NPAS3: variants seen among roughly 807,000 people sequenced by gnomAD.
The protein encoded by NPAS3 is neuronal PAS domain protein 3.
A neutral mutation model predicts 73.1 loss-of-function variants in NPAS3; 14 were observed. The observed-to-expected ratio is 0.19, with a 90% confidence interval of 0.13 to 0.30. NPAS3 has a LOEUF of 0.30. NPAS3 is among the 10% of genes least tolerant of loss of function. NPAS3 has a pLI of 1.00. For missense variants in NPAS3, 1,096 were observed against 1,250.0 expected (o/e 0.88, Z 1.86); for synonymous variants, 620 against 541.5 (o/e 1.14, Z -2.01).
intron 4 of NPAS3, among the ~76,000 whole-genome samples, chr14:33,426,694 T>C (rs1229547365): frequency 6.6e-6 from 1 of 152,036 alleles, no homozygotes; most frequent in African/African-American, 2.4e-5. Flanking sequence ...GGTTAGTCTA[T>C]GAGCCCAAAG....
intron 4 of NPAS3, among the ~76,000 whole-genome samples, chr14:33,478,257 C>T (rs191164083): frequency 3.5e-4 from 54 of 152,210 alleles, no homozygotes; most frequent in African/African-American, 1.2e-3. Context: ...TACTTCATGC[C>T]AAATGTGCTC....
chr14:33,614,322 C>A (rs200081384), intron 5 of NPAS3, among the ~76,000 whole-genome samples: 1 of 152,164 alleles, frequency 6.6e-6, no homozygotes, highest in African/African-American at 2.4e-5. Flanking sequence ...ACAGGCATGA[C>A]AAAGCTACCC....
intron 2 of NPAS3, among the ~76,000 whole-genome samples, chr14:33,143,638 G>C (rs1199083686): frequency 6.6e-6 from 1 of 152,084 alleles, no homozygotes; most frequent in Non-Finnish European, 1.5e-5. Flanking sequence ...TCACAATGTT[G>C]TACAAATAGC....
chr14:33,183,770 G>A (rs1233095535), intron 2 of NPAS3, among the ~76,000 whole-genome samples: 3 of 152,116 alleles, frequency 2.0e-5, no homozygotes, highest in Non-Finnish European at 2.9e-5. Context: ...GGCCAAATCT[G>A]TTGGACGACT....
rs202203234 is a variant in NPAS3, at chr14:33,250,322, CA to C, written c.385+34905del. On this transcript the variant is annotated intron_variant, in intron 3 of 11. Coordinates refer to ENST00000356141, the Ensembl canonical transcript of NPAS3. ...GTCTTCAAGATTGAGCCTACACATACAAAAAAAAAGAAGGAAAAAGAGGATT... is the reference window on the plus strand; with the variant it reads ...GTCTTCAAGATTGAGCCTACACATACAAAAAAAAGAAGGAAAAAGAGGATT... 5.1e-4 allele frequency among the ~76,000 whole-genome samples: 76 copies of C among 149,104 alleles called. 1 individual carries two copies. The South Asian group carries it at 9.8e-3, about 19-fold the overall frequency.
At chr14:33,321,018 A>G (rs1467524543) in intron 3 of NPAS3, among the ~76,000 whole-genome samples, 3 of 152,126 alleles carry the variant, frequency 2.0e-5, no homozygotes, top group Non-Finnish European at 4.4e-5. Flanking sequence ...TCTCAGAATG[A>G]TGCAAAGCAC....
chr14:33,457,970 C>T (rs769053912), intron 4 of NPAS3, among the ~76,000 whole-genome samples: 12 of 152,124 alleles, frequency 7.9e-5, no homozygotes, highest in Non-Finnish European at 1.5e-4. Context: ...GTGGAAACCG[C>T]GACAGGTTCC....
intron 4 of NPAS3, among the ~76,000 whole-genome samples, chr14:33,518,682 T>G (rs1159074483): frequency 6.7e-6 from 1 of 148,418 alleles, no homozygotes; most frequent in African/African-American, 2.4e-5. Flanking sequence ...CTCCACCCTT[T>G]CATCTCACTA....
In NPAS3 at chr14:33,095,662, ATT is replaced by A. The variant is rs201234147; in HGVS notation, c.140+39674_140+39675del. Among the ~76,000 whole-genome samples, 6 of 74,122 alleles carry A rather than the reference ATT, an allele frequency of 8.1e-5. No individual in the cohort carries two copies. The South Asian group carries it at 2.1e-3, about 26-fold the overall frequency. The allele number at this position is 74,122 out of a possible 152,430, so 48.6% of individuals were successfully genotyped here. ...AAAGGCGTGGGCATTCTCTGCTTTTATTTTTTTATTTTTTTTTTTTTTTTGAG... is the reference window on the plus strand; with the variant it reads ...AAAGGCGTGGGCATTCTCTGCTTTTATTTTTATTTTTTTTTTTTTTTTGAG... On this transcript the variant is annotated intron_variant, in intron 2 of 11. Transcript: ENST00000356141.
Position 33,800,458 on chromosome 14 carries a change from C to A in NPAS3, c.2151C>A (p.Thr717=), listed in dbSNP as rs2063667923. ...TGGCCATTCCCGACTCGGTCCTCAC[C>A]CCGCCCGGCGCCGACGGCGCGGCCG... Residue 717 remains threonine (T), a synonymous_variant, in exon 12 of 12, where the codon ACC becomes ACA. Coordinates refer to ENST00000356141, the Ensembl canonical transcript of NPAS3. This position sits in a 1 kb window ranked among gnomAD's most constrained non-coding sequence, Gnocchi z 6.5. 1.3e-6 allele frequency: 2 copies of A among 1,524,318 alleles called. No individual in the cohort carries two copies. The allele number at this position is 1,524,318 out of a possible 1,614,324, so 94.4% of individuals were successfully genotyped here.
intron 7 of NPAS3, among the ~76,000 whole-genome samples, chr14:33,749,387 A>G (rs752153899): frequency 9.9e-5 from 15 of 152,070 alleles, no homozygotes; most frequent in Non-Finnish European, 1.5e-4. Context: ...AGTTTTAGGG[A>G]CCTGAAATGT....
intron 1 of NPAS3, among the ~76,000 whole-genome samples, chr14:33,048,938 G>A (rs576369034): frequency 5.4e-4 from 82 of 152,314 alleles, no homozygotes; most frequent in African/African-American, 1.8e-3. Context: ...AGAAGCTTTC[G>A]ATGGAGGGAT....
intron 2 of NPAS3, among the ~76,000 whole-genome samples, chr14:33,161,936 A>G (rs958575579): frequency 3.9e-5 from 6 of 152,228 alleles, no homozygotes; most frequent in African/African-American, 1.4e-4. Context: ...AAGGCTGAGG[A>G]GCCAGGTCTT....
intron 3 of NPAS3, among the ~76,000 whole-genome samples, chr14:33,341,492 G>A (rs931268709): frequency 2.0e-5 from 3 of 151,632 alleles, no homozygotes; most frequent in Non-Finnish European, 2.9e-5. Flanking sequence ...GCCATTTGTC[G>A]TGCTATGGAC....
At chr14:32,954,788 A>T (rs1030981567) in intron 1 of NPAS3, among the ~76,000 whole-genome samples, 11 of 152,144 alleles carry the variant, frequency 7.2e-5, no homozygotes, top group Non-Finnish European at 7.4e-5. Context: ...TTCTGATTCC[A>T]TAGTAACTGT....
At chr14:33,337,654 G>A (rs940891671) in intron 3 of NPAS3, among the ~76,000 whole-genome samples, 4 of 151,960 alleles carry the variant, frequency 2.6e-5, no homozygotes, top group Non-Finnish European at 5.9e-5. Flanking sequence ...AAATTCCACT[G>A]AATCTATAGA....
intron 5 of NPAS3, among the ~76,000 whole-genome samples, chr14:33,575,949 A>G (rs1298463552): frequency 6.6e-6 from 1 of 152,208 alleles, no homozygotes; most frequent in African/African-American, 2.4e-5. Context: ...AAGCTAAGAA[A>G]GAATAAATAT....
intron 5 of NPAS3, among the ~76,000 whole-genome samples, chr14:33,565,450 A>C (rs1309101254): frequency 6.6e-6 from 1 of 152,260 alleles, no homozygotes; most frequent in East Asian, 1.9e-4. Flanking sequence ...CCAATAAATC[A>C]CTGGAGGTTA....
chr14:33,600,111 G>T lies in NPAS3; in HGVS notation c.558+39901G>T, dbSNP rs180846641. On this transcript the variant is annotated intron_variant, in intron 5 of 11. Transcript: ENST00000356141. ...TGCACAGAACAAATCTAGATGTTTT[G>T]TTCCCTTTTGTGTGATTAAAAGCTC... 7.5e-3 allele frequency among the ~76,000 whole-genome samples: 1,141 copies of T among 152,246 alleles called. 14 individuals are homozygous for T. Among genetic ancestry groups the T allele is most frequent in the African/African-American group, 0.026 (1,076 of 41,542 alleles).
Sources: gnomAD v4.1 joint callset for allele counts (sites outside exome capture counted in the v4.1 genomes callset) on GRCh38, gnomAD v4.1.1 for gene constraint, Gnocchi (gnomAD v3.1) non-coding constraint, MANE v1.5 for transcripts, NCBI Gene and HGNC (gene_info 2026-07-23, HGNC 2026-07-21) for gene names.